Variants in CLEC9A observed in about 807,000 individuals in gnomAD.
CLEC9A encodes C-type lectin domain family 9 member A.
A neutral mutation model predicts 30.0 loss-of-function variants in CLEC9A; 24 were observed. That is an observed-to-expected ratio of 0.80 (90% confidence interval 0.58 to 1.13). The LOEUF is 1.13. CLEC9A is among the 50% of genes most tolerant of loss of function. The pLI is 0.00. For missense variants in CLEC9A, 251 were observed against 280.9 expected (o/e 0.89, Z 0.76); for synonymous variants, 111 against 96.8 (o/e 1.15, Z -0.86).
rs149347177 is a variant in CLEC9A at position 10,054,153 on chromosome 12, A to G, written c.92-118A>G. On this transcript the variant is annotated intron_variant, in intron 4 of 8. Coordinates refer to ENST00000355819, the MANE Select transcript of CLEC9A (RefSeq NM_207345.4). ...CTTTTACACATCCCAGGCCCCAACA[A>G]CTCTCAGTAGAAATGCCAATGTTAA... The G allele has an allele frequency of 1.1e-3, 870 of 799,602 alleles. 10 individuals are homozygous for G. The East Asian group carries it at 0.019, about 18-fold the overall frequency. The allele number at this position is 799,602 out of a possible 1,614,324, so 49.5% of individuals were successfully genotyped here.
intron 4 of CLEC9A, 42 bp from the exon 5 acceptor site, chr12:10,054,229 G>A (rs778960721): frequency 2.7e-6 from 4 of 1,493,606 alleles, no homozygotes; most frequent in Non-Finnish European, 3.7e-6. Context: ...TTTTTTATCT[G>A]CTTTCTCTAA....
At chr12:10,035,697 C>A (rs1323348211) in intron 1 of CLEC9A, among the ~76,000 whole-genome samples, 1 of 152,194 alleles carries the variant, frequency 6.6e-6, no homozygotes, top group African/African-American at 2.4e-5. Context: ...CTCATTGCAA[C>A]CTCTGCCTCT....
intron 2 of CLEC9A, among the ~76,000 whole-genome samples, chr12:10,041,873 C>T (rs1865800926): frequency 6.6e-6 from 1 of 152,198 alleles, no homozygotes; most frequent in Non-Finnish European, 1.5e-5. Flanking sequence ...GTGGGTCACA[C>T]ATGAAGAGTC....
At chr12:10,040,520 G>C (rs1000747001) in intron 1 of CLEC9A, among the ~76,000 whole-genome samples, 2 of 149,298 alleles carry the variant, frequency 1.3e-5, no homozygotes, top group Admixed American at 6.7e-5. Flanking sequence ...GCGCCATCTC[G>C]GCTCACTGTA....
intron 4 of CLEC9A, 159 bp downstream of exon 4, chr12:10,052,937 T>A (rs1865908414): frequency 2.6e-6 from 2 of 764,194 alleles, no homozygotes; most frequent in African/African-American, 1.8e-5. Flanking sequence ...AAGGATTAAG[T>A]AACGGTGAAA....
At chr12:10,052,876 A>G (rs982270866) in intron 4 of CLEC9A, 98 bp downstream of exon 4, 116 of 1,337,566 alleles carry the variant, frequency 8.7e-5, no homozygotes, top group Non-Finnish European at 1.1e-4. Flanking sequence ...CTAATCCGAG[A>G]TAATCTACCT....
intron 5 of CLEC9A, among the ~76,000 whole-genome samples, chr12:10,059,854 TA>T (rs1350770220): frequency 6.6e-6 from 1 of 152,072 alleles, no homozygotes; most frequent in Non-Finnish European, 1.5e-5. Flanking sequence ...CTCTAGTTAG[TA>T]AAAAACTAGA....
intron 2 of CLEC9A, among the ~76,000 whole-genome samples, chr12:10,043,542 A>G (rs1865815919): frequency 6.6e-6 from 1 of 151,724 alleles, no homozygotes; most frequent in African/African-American, 2.4e-5. Context: ...TCTTTATCTA[A>G]GCCACAACCC....
At chr12:10,046,183 G>T (rs767555317) in intron 2 of CLEC9A, among the ~76,000 whole-genome samples, 60 of 152,228 alleles carry the variant, frequency 3.9e-4, no homozygotes, top group South Asian at 8.3e-4. Flanking sequence ...ATACCTCACA[G>T]TTCTACAACT....
chr12:10,059,515 A>G (rs1865976843), intron 5 of CLEC9A, among the ~76,000 whole-genome samples: 1 of 152,218 alleles, frequency 6.6e-6, no homozygotes, highest in South Asian at 2.1e-4. Flanking sequence ...TAGGCAAATA[A>G]TTCTTAGACT....
chr12:10,063,085 G>A lies in CLEC9A; in HGVS notation c.350G>A (p.Trp117Ter). Reference sequence around the variant, plus strand: ...AACAGCAGTCCTTGTCCAAACAATTGGATTCAGAACAGAGAAAGTTGTTAC... The same window carrying A: ...AACAGCAGTCCTTGTCCAAACAATTAGATTCAGAACAGAGAAAGTTGTTAC... ...AHNSSPCPNN[W>*]IQNRESCYYV... Residue 117 changes from tryptophan (W) to a stop codon, truncating the protein, a stop_gained, in exon 7 of 9, where the codon TGG (tryptophan) becomes TAG (stop). Coordinates refer to ENST00000355819, the MANE Select transcript of CLEC9A (RefSeq NM_207345.4). LOFTEE classifies it high-confidence loss of function. The A allele has an allele frequency of 6.2e-7, 1 of 1,607,054 alleles. No homozygotes were observed.
chr12:10,058,319 C>T (rs571755110), intron 5 of CLEC9A, among the ~76,000 whole-genome samples: 216 of 152,126 alleles, frequency 1.4e-3, no homozygotes, highest in African/African-American at 5.1e-3. Flanking sequence ...GGATAAAAAT[C>T]AGAGCATCAC....
chr12:10,046,142 A>C (rs1275152896), intron 2 of CLEC9A, among the ~76,000 whole-genome samples: 1 of 152,198 alleles, frequency 6.6e-6, no homozygotes, highest in Admixed American at 6.5e-5. Flanking sequence ...ATTTTCTCAT[A>C]CTTGAAATAG....
At position 10,065,799 on chromosome 12, in the gene CLEC9A, C is replaced by T. The variant is rs879144591; in HGVS notation, c.*167C>T. The T allele has an allele frequency of 1.3e-5, 8 of 624,052 alleles. No homozygotes were observed. In the South Asian group the frequency reaches 1.8e-4, roughly 14 times the overall value. The allele number at this position is 624,052 out of a possible 1,614,324, so 38.7% of individuals were successfully genotyped here. A position where few individuals can be genotyped will look rare whatever the true frequency, so the allele number is the denominator to read the frequency against. ...ACTTGGGAATATTCTTCCACACCGTCCAGATTTCATTTGATGTTGTTCACA... is the reference window on the plus strand; with the variant it reads ...ACTTGGGAATATTCTTCCACACCGTTCAGATTTCATTTGATGTTGTTCACA... On this transcript the variant is annotated 3_prime_UTR_variant, in exon 9 of 9. Coordinates refer to ENST00000355819, the MANE Select transcript of CLEC9A (RefSeq NM_207345.4).
chr12:10,032,724 T>C (rs768689133), intron 1 of CLEC9A, among the ~76,000 whole-genome samples: 4 of 152,092 alleles, frequency 2.6e-5, no homozygotes, highest in African/African-American at 4.8e-5. Flanking sequence ...TTTCTTTCTT[T>C]GGTTCGCTCT....
chr12:10,053,270 C>T (rs966426017), intron 4 of CLEC9A, among the ~76,000 whole-genome samples: 4 of 152,072 alleles, frequency 2.6e-5, no homozygotes, highest in Non-Finnish European at 4.4e-5. Context: ...ATTAACAGAA[C>T]GTAAATTTAT....
intron 4 of CLEC9A, 56 bp downstream of exon 4, chr12:10,052,834 T>C (rs987723277): frequency 1.9e-6 from 3 of 1,575,654 alleles, no homozygotes; most frequent in Non-Finnish European, 8.6e-7. Context: ...TTTTTTTTTT[T>C]TCTGCTCTAT....
chr12:10,061,499 T>C (rs1591894961), intron 6 of CLEC9A, among the ~76,000 whole-genome samples: 1 of 152,180 alleles, frequency 6.6e-6, no homozygotes, highest in Admixed American at 6.5e-5. Context: ...TACAGTCAAA[T>C]GCCAAAGAGG....
intron 6 of CLEC9A, 21 bp from the exon 7 acceptor site, chr12:10,063,034 G>T: frequency 2.5e-6 from 4 of 1,572,514 alleles, no homozygotes; most frequent in Admixed American, 2.0e-5. Flanking sequence ...AGATACTAAA[G>T]TAAAATGTTT....
Sources: allele counts gnomAD v4.1 joint callset (sites outside exome capture counted in the v4.1 genomes callset), GRCh38; gene constraint gnomAD v4.1.1; transcripts MANE v1.5; gene names NCBI Gene and HGNC (gene_info 2026-07-23, HGNC 2026-07-21).